Variants in RPH3AL observed in about 807,000 individuals in gnomAD.
The protein encoded by RPH3AL is rabphilin 3A like (without C2 domains).
A neutral mutation model predicts 43.1 loss-of-function variants in RPH3AL; 38 were observed. That is an observed-to-expected ratio of 0.88 (90% confidence interval 0.68 to 1.15). The LOEUF is 1.15. RPH3AL is among the 50% of genes most tolerant of loss of function. The probability of loss-of-function intolerance (pLI) is 0.00; values close to 1 mark genes in which losing one functional copy is unlikely to be tolerated. For synonymous variants in RPH3AL, 189 were observed against 176.3 expected (o/e 1.07, Z -0.57); for missense variants, 462 against 423.2 (o/e 1.09, Z -0.81).
chr17:282,426 T>C (rs1055890300), intron 5 of RPH3AL, among the ~76,000 whole-genome samples: 1 of 152,128 alleles, frequency 6.6e-6, no homozygotes, highest in African/African-American at 2.4e-5. Context: ...ATGCTCAGGT[T>C]CACATGGCAG....
rs577142434 is a variant in RPH3AL, at chr17:239,965, C to A, written c.613+7146G>T. Reference sequence around the variant, plus strand: ...TTAGAAAGAGTTTTTTGGCCAGGTGCAGTGGCTCACGCCTCTAATCCTAGC... The same window carrying A: ...TTAGAAAGAGTTTTTTGGCCAGGTGAAGTGGCTCACGCCTCTAATCCTAGC... On this transcript the variant is annotated intron_variant, in intron 7 of 9. Transcript: ENST00000331302. Among the ~76,000 whole-genome samples the A allele has an allele frequency of 9.8e-5, 15 of 152,300 alleles. No individual in the cohort carries two copies. The East Asian group carries it at 2.9e-3, about 29-fold the overall frequency.
At chr17:222,448 G>A (rs563403623) in intron 7 of RPH3AL, among the ~76,000 whole-genome samples, 11 of 152,314 alleles carry the variant, frequency 7.2e-5, no homozygotes, top group South Asian at 2.1e-4. Flanking sequence ...GGAACCAGAC[G>A]GATGGGGCTG....
At chr17:334,575 CCATCCACT>C (rs2044889840) in intron 1 of RPH3AL, among the ~76,000 whole-genome samples, 1 of 133,806 alleles carries the variant, frequency 7.5e-6, no homozygotes, top group Admixed American at 8.3e-5. Flanking sequence ...CAGGGCCAGC[CCATCCACT>C]GTGGAGGGAC....
In RPH3AL at chr17:253,585, C is replaced by G. The variant is rs370991136; in HGVS notation, c.439-6300G>C. Among the ~76,000 whole-genome samples, 83 of 152,236 alleles carry G rather than the reference C, an allele frequency of 5.5e-4. No homozygotes were observed. The South Asian group carries it at 0.017, about 31-fold the overall frequency. On this transcript the variant is annotated intron_variant, in intron 6 of 9. Coordinates refer to ENST00000331302, the MANE Select transcript of RPH3AL (RefSeq NM_006987.4). ...CCTGAAGTGCAACCCATCTCCAGAA[C>G]TTGCCAAACTGAAACTCTATAACCA...
chr17:304,611 T>C (rs2043416799), intron 5 of RPH3AL, among the ~76,000 whole-genome samples: 1 of 152,044 alleles, frequency 6.6e-6, no homozygotes, highest in South Asian at 2.1e-4. Flanking sequence ...GATTTTAGGC[T>C]GTCACGACGA....
At chr17:270,720 T>C (rs935731890) in intron 6 of RPH3AL, among the ~76,000 whole-genome samples, 2 of 152,216 alleles carry the variant, frequency 1.3e-5, no homozygotes, top group African/African-American at 2.4e-5. Context: ...TCCCATTCTG[T>C]AGGTTGCCTG....
chr17:292,624 C>T (rs1446849970), intron 5 of RPH3AL, among the ~76,000 whole-genome samples: 7 of 152,142 alleles, frequency 4.6e-5, no homozygotes, highest in Non-Finnish European at 1.0e-4. Context: ...CCGGGCCTGG[C>T]TGCCTGGCTA....
chr17:222,080 T>C (rs2041004977), intron 7 of RPH3AL, among the ~76,000 whole-genome samples: 2 of 152,294 alleles, frequency 1.3e-5, no homozygotes, highest in East Asian at 3.9e-4. Context: ...GAACAACAGC[T>C]CTGAGGCCTC....
rs952359251 is a variant in RPH3AL, at chr17:245,206, CGTGT to C, written c.613+1901_613+1904del. ...GGATGTCTGTGTGTGTGGATGTGAGCGTGTGTGTCCATGTGGATGTGTGTGTGCG... is the reference window on the plus strand; with the variant it reads ...GGATGTCTGTGTGTGTGGATGTGAGCGTGTCCATGTGGATGTGTGTGTGCG... On this transcript the variant is annotated intron_variant, in intron 7 of 9. Transcript: ENST00000331302. This position sits in a 1 kb window ranked among gnomAD's most constrained non-coding sequence, Gnocchi z 5.9. 2.5e-5 allele frequency among the ~76,000 whole-genome samples: 3 copies of C among 121,036 alleles called. No individual in the cohort carries two copies. The highest frequency in any genetic ancestry group is 3.5e-5 in the Non-Finnish European group (2 of 57,730). 79.4% of individuals were successfully genotyped at this position (121,036 alleles called of 152,430 possible).
rs565836489 is a variant in RPH3AL, at chr17:332,825, C to T, written c.-37+934G>A. The T allele has an allele frequency of 2.0e-4, 73 of 368,978 alleles. 1 individual carries two copies. In the East Asian group the frequency reaches 4.0e-3, roughly 20 times the overall value. 22.9% of individuals were successfully genotyped at this position (368,978 alleles called of 1,614,324 possible). A position where few individuals can be genotyped will look rare whatever the true frequency, so the allele number is the denominator to read the frequency against. On this transcript the variant is annotated intron_variant, in intron 2 of 9. Transcript: ENST00000331302. The stretch of plus-strand genomic sequence containing the variant: ...CCTCCTGGTGCCACCTCGACCCCGC[C>T]GGGCGACACACGCTGAGCAGAGGCA...
chr17:297,121 G>T (rs763775700), intron 5 of RPH3AL, among the ~76,000 whole-genome samples: 1 of 152,194 alleles, frequency 6.6e-6, no homozygotes, highest in Middle Eastern at 3.2e-3. Flanking sequence ...AACCCAAGAC[G>T]TCGGGGCTTG....
Position 215,606 on chromosome 17 carries a change from A to ACGGC in RPH3AL, c.876+44_876+47dup. On this transcript the variant is annotated intron_variant, in intron 9 of 9. Coordinates refer to ENST00000331302, the MANE Select transcript of RPH3AL (RefSeq NM_006987.4). The surrounding 1 kb of genome is among the most constrained non-coding windows in gnomAD (Gnocchi z 4.1). ...TTGGGAGGAGTGAGTGAGAGAGGAC[A>ACGGC]CGGCCGCGGGGGCAGGAGAGGGGAG... 2 of 1,253,740 alleles carry ACGGC rather than the reference A, an allele frequency of 1.6e-6. No homozygotes were observed. Among genetic ancestry groups the ACGGC allele is most frequent in the South Asian group, 7.6e-5 (2 of 26,470 alleles). The allele number at this position is 1,253,740 out of a possible 1,614,324, so 77.7% of individuals were successfully genotyped here.
chr17:297,202 C>G (rs1342408350), intron 5 of RPH3AL, among the ~76,000 whole-genome samples: 1 of 152,244 alleles, frequency 6.6e-6, no homozygotes, highest in Non-Finnish European at 1.5e-5. Context: ...CCAACAGCCC[C>G]TCGCCTATCC....
intron 1 of RPH3AL, among the ~76,000 whole-genome samples, chr17:352,047 T>C (rs2045364179): frequency 6.6e-6 from 1 of 152,128 alleles, no homozygotes; most frequent in Admixed American, 6.5e-5. Flanking sequence ...TCTTCAAAAA[T>C]CCCCTCCTGC....
intron 6 of RPH3AL, among the ~76,000 whole-genome samples, chr17:272,421 A>G (rs2042488123): frequency 6.6e-6 from 1 of 151,984 alleles, no homozygotes; most frequent in South Asian, 2.1e-4. Context: ...AGTACTATGC[A>G]GCCATAAAAA....
chr17:294,946 C>T (rs1255543063), intron 5 of RPH3AL, among the ~76,000 whole-genome samples: 1 of 60,230 alleles, frequency 1.7e-5, no homozygotes, highest in African/African-American at 7.7e-5. Context: ...AATGGATGGA[C>T]AGAGGGAATG....
At chr17:329,171 T>C (rs4570932) in intron 2 of RPH3AL, among the ~76,000 whole-genome samples, 41,093 of 151,132 alleles carry the variant, frequency 0.27, 6,074 homozygotes, top group African/African-American at 0.4. Flanking sequence ...AAAAAAAAAA[T>C]GAATTATAAC....
intron 6 of RPH3AL, among the ~76,000 whole-genome samples, chr17:250,049 G>A (rs546055598): frequency 2.8e-5 from 4 of 141,054 alleles, no homozygotes; most frequent in Admixed American, 1.4e-4. Context: ...CCATCACTGC[G>A]GGACCTCTGG....
chr17:240,230 T>C (rs2041495904), intron 7 of RPH3AL, among the ~76,000 whole-genome samples: 2 of 106,380 alleles, frequency 1.9e-5, no homozygotes, highest in South Asian at 4.2e-4. Flanking sequence ...AGAGTGAAAC[T>C]CCATCTCAAA....
Sources: allele counts gnomAD v4.1 joint callset (sites outside exome capture counted in the v4.1 genomes callset), GRCh38; gene constraint gnomAD v4.1.1; non-coding constraint Gnocchi (gnomAD v3.1); transcripts MANE v1.5; gene names NCBI Gene and HGNC (gene_info 2026-07-23, HGNC 2026-07-21).